TRIM44: variants seen among roughly 807,000 people sequenced by gnomAD.
TRIM44 encodes tripartite motif containing 44.
A neutral mutation model predicts 37.4 loss-of-function variants in TRIM44; 13 were observed. That is an observed-to-expected ratio of 0.35 (90% CI 0.23 to 0.55). TRIM44 has a LOEUF of 0.55. Among genes scored for constraint, TRIM44 ranks in the 20% least tolerant of loss-of-function variants. TRIM44 has a pLI of 0.89. For missense variants in TRIM44, 426 were observed against 437.2 expected, an observed-to-expected ratio of 0.97 and a Z score of 0.23; for synonymous variants, 175 against 157.2, an observed-to-expected ratio of 1.11 and a Z score of -0.85.
At chr11:35,666,386 C>T (rs1298956028) in intron 1 of TRIM44, among the ~76,000 whole-genome samples, 1 of 152,112 alleles carries the variant, frequency 6.6e-6, no homozygotes. Context: ...CTTTACATTT[C>T]TTAGAATCAT....
At chr11:35,726,822 T>C (rs563542266) in intron 3 of TRIM44, among the ~76,000 whole-genome samples, 1 of 152,050 alleles carries the variant, frequency 6.6e-6, no homozygotes, top group Admixed American at 6.5e-5. Context: ...TATTTAGGCA[T>C]TTTGAATCTA....
chr11:35,735,532 C>A, intron 4 of TRIM44, 87 bp downstream of exon 4: 2 of 1,335,188 alleles, frequency 1.5e-6, no homozygotes, highest in Non-Finnish European at 1.1e-6. Flanking sequence ...ATATAGACAG[C>A]CAAGGAACAG....
At chr11:35,669,454 C>T (rs1216950444) in intron 1 of TRIM44, among the ~76,000 whole-genome samples, 1 of 142,250 alleles carries the variant, frequency 7.0e-6, no homozygotes, top group Non-Finnish European at 1.5e-5. Flanking sequence ...GGAAAGGATC[C>T]CCTTTATTTA....
At chr11:35,703,705 T>A (rs920051712) in intron 2 of TRIM44, among the ~76,000 whole-genome samples, 1 of 152,156 alleles carries the variant, frequency 6.6e-6, no homozygotes. Context: ...GAGGGTCCTG[T>A]CTGATAGAAG....
At chr11:35,751,460 G>T (rs1252991350) in intron 4 of TRIM44, among the ~76,000 whole-genome samples, 1 of 152,152 alleles carries the variant, frequency 6.6e-6, no homozygotes, top group Non-Finnish European at 1.5e-5. Flanking sequence ...ACAGTATTCT[G>T]ACTAAAGGCC....
intron 1 of TRIM44, 83 bp downstream of exon 1, chr11:35,663,863 C>A (rs986565788): frequency 1.4e-6 from 2 of 1,463,534 alleles, no homozygotes; most frequent in African/African-American, 2.8e-5. Context: ...TGACCACATT[C>A]GCTTTCACTG....
At chr11:35,789,400 T>A (rs1267136107) in intron 4 of TRIM44, among the ~76,000 whole-genome samples, 1 of 152,204 alleles carries the variant, frequency 6.6e-6, no homozygotes, top group African/African-American at 2.4e-5. Context: ...AGGGTAGTGC[T>A]TCATACAGCG....
At chr11:35,775,548 A>C (rs1172975147) in intron 4 of TRIM44, among the ~76,000 whole-genome samples, 3 of 152,136 alleles carry the variant, frequency 2.0e-5, no homozygotes, top group African/African-American at 7.2e-5. Flanking sequence ...GTCTTGTGCC[A>C]GTTTTCGAAG....
chr11:35,757,608 T>A (rs1167286832), intron 4 of TRIM44, among the ~76,000 whole-genome samples: 5 of 152,236 alleles, frequency 3.3e-5, no homozygotes, highest in Non-Finnish European at 7.3e-5. Context: ...CAATTTTGGA[T>A]CTTTTCTGCT....
chr11:35,777,907 C>G (rs1050794405), intron 4 of TRIM44, among the ~76,000 whole-genome samples: 4 of 152,160 alleles, frequency 2.6e-5, no homozygotes, highest in Non-Finnish European at 4.4e-5. Context: ...TTCATTTCAG[C>G]TTTGGTGAGT....
At chr11:35,702,120 T>A (rs1300939468) in intron 2 of TRIM44, among the ~76,000 whole-genome samples, 1 of 152,242 alleles carries the variant, frequency 6.6e-6, no homozygotes, top group African/African-American at 2.4e-5. Flanking sequence ...GGAATATACA[T>A]GTGACTAAAC....
chr11:35,710,617 A>T (rs1336551687), intron 2 of TRIM44, among the ~76,000 whole-genome samples: 1 of 152,224 alleles, frequency 6.6e-6, no homozygotes. Context: ...AAAGTTTATT[A>T]TGCAGATTTA....
Position 35,806,710 on chromosome 11 carries a change from A to G in TRIM44, c.*325A>G, listed in dbSNP as rs1242951690. 1 of 281,346 alleles carries G rather than the reference A, an allele frequency of 3.6e-6. No homozygotes were observed. Among genetic ancestry groups the G allele is most frequent in the African/African-American group, 2.2e-5 (1 of 45,918 alleles). 17.4% of individuals were successfully genotyped at this position (281,346 alleles called of 1,614,324 possible). On this transcript the variant is annotated 3_prime_UTR_variant, in exon 5 of 5. Coordinates refer to ENST00000299413, the MANE Select transcript of TRIM44 (RefSeq NM_017583.6). ...AAGCCAGCCCCCATAATATTGTATT[A>G]CCAAACAGTATCGCTTTGTTAGGAA...
intron 2 of TRIM44, among the ~76,000 whole-genome samples, chr11:35,701,696 A>T (rs1007804223): frequency 3.3e-5 from 5 of 152,176 alleles, no homozygotes; most frequent in African/African-American, 4.8e-5. Flanking sequence ...TTTTATCCTA[A>T]GGTACCCCTC....
Position 35,810,211 on chromosome 11 carries a change from A to G in TRIM44, c.*3826A>G, listed in dbSNP as rs1853511782. The G allele has an allele frequency of 6.6e-6, 1 of 152,158 alleles. No individual in the cohort carries two copies. The highest frequency in any genetic ancestry group is 1.5e-5 in the Non-Finnish European group (1 of 68,028). The allele number at this position is 152,158 out of a possible 1,614,324, so 9.4% of individuals were successfully genotyped here. ...ACCTAAGGGCACAAATGCAGAATTC[A>G]TGACCTTGTAGTTGTGGCAGGGTCT... On this transcript the variant is annotated 3_prime_UTR_variant, in exon 5 of 5. Coordinates refer to ENST00000299413, the MANE Select transcript of TRIM44 (RefSeq NM_017583.6).
intron 3 of TRIM44, 52 bp from the exon 4 acceptor site, chr11:35,735,374 T>A: frequency 6.2e-7 from 1 of 1,600,268 alleles, no homozygotes; most frequent in Non-Finnish European, 8.6e-7. Context: ...AATCTGACTC[T>A]GTCTGTACCA....
intron 4 of TRIM44, among the ~76,000 whole-genome samples, chr11:35,780,431 T>C (rs1853047891): frequency 6.6e-6 from 1 of 152,210 alleles, no homozygotes; most frequent in Non-Finnish European, 1.5e-5. Flanking sequence ...ATTATCTCCC[T>C]GAAGAATTTT....
rs1851286560 is a variant in TRIM44 at position 35,662,954 on chromosome 11, C to T, written c.-158C>T. On this transcript the variant is annotated 5_prime_UTR_variant, in exon 1 of 5. Transcript: ENST00000299413. ...CTTTGCTGCTGCGCCCGGGCAGGGG[C>T]TGCCGCGGCCCCAGGTCCCGCTTCG... The T allele has an allele frequency of 7.8e-7, 1 of 1,274,388 alleles. No homozygotes were observed. Among genetic ancestry groups the T allele is most frequent in the Non-Finnish European group, 1.0e-6 (1 of 984,392 alleles). 78.9% of individuals were successfully genotyped at this position (1,274,388 alleles called of 1,614,324 possible).
chr11:35,750,579 C>T (rs1200357640), intron 4 of TRIM44, among the ~76,000 whole-genome samples: 2 of 152,314 alleles, frequency 1.3e-5, no homozygotes, highest in Admixed American at 6.5e-5. Flanking sequence ...GACATTCCCA[C>T]ACTTATTGAC....
Sources: gnomAD v4.1 joint callset for allele counts (sites outside exome capture counted in the v4.1 genomes callset) on GRCh38, gnomAD v4.1.1 for gene constraint, MANE v1.5 for transcripts, NCBI Gene and HGNC (gene_info 2026-07-23, HGNC 2026-07-21) for gene names.